The following PGCKA1 variants were observed in gnomAD, a reference collection of about 807,000 sequenced individuals.
The protein encoded by PGCKA1 is PDCD10 and GCKIII kinases-associated protein 1.
the PGCKA1 span, among the ~76,000 whole-genome samples, chr4:37,509,522 G>A: frequency 6.6e-6 from 1 of 151,430 alleles, no homozygotes; most frequent in African/African-American, 2.4e-5. Context: ...CAGATGATGG[G>A]TGGCCAGGCA....
the PGCKA1 span, among the ~76,000 whole-genome samples, chr4:37,562,445 T>TA: frequency 6.6e-6 from 1 of 152,218 alleles, no homozygotes; most frequent in Non-Finnish European, 1.5e-5. Flanking sequence ...ATTCATGGCC[T>TA]AAAAAGATCG....
chr4:37,491,458 T>C, the PGCKA1 span, among the ~76,000 whole-genome samples: 1 of 152,258 alleles, frequency 6.6e-6, no homozygotes, highest in Non-Finnish European at 1.5e-5. Context: ...AGTTAGTTTT[T>C]TTACTTGTTT....
the PGCKA1 span, chr4:37,453,968 G>T: frequency 6.4e-6 from 1 of 156,384 alleles, no homozygotes; most frequent in Non-Finnish European, 1.4e-5. Context: ...CTCCCGGCGC[G>T]GCTGCCCGAG....
chr4:37,459,736 A>G, the PGCKA1 span, among the ~76,000 whole-genome samples: 1 of 151,904 alleles, frequency 6.6e-6, no homozygotes, highest in Non-Finnish European at 1.5e-5. Flanking sequence ...GCCCTGCACT[A>G]AAGGGAGCTT....
At chr4:37,535,202 C>T in the PGCKA1 span, among the ~76,000 whole-genome samples, 1 of 152,140 alleles carries the variant, frequency 6.6e-6, no homozygotes, top group Non-Finnish European at 1.5e-5. Context: ...TAAAAACTCC[C>T]AAAGTGTGAC....
the PGCKA1 span, among the ~76,000 whole-genome samples, chr4:37,461,843 A>G: frequency 6.6e-6 from 1 of 151,962 alleles, no homozygotes; most frequent in Non-Finnish European, 1.5e-5. Context: ...AGATGGAGGA[A>G]ATAGAGGAGA....
At chr4:37,534,275 G>C in the PGCKA1 span, among the ~76,000 whole-genome samples, 3 of 152,174 alleles carry the variant, frequency 2.0e-5, no homozygotes, top group Non-Finnish European at 4.4e-5. Flanking sequence ...AGGAATGTGA[G>C]CCACAAGAAC....
chr4:37,527,795 G>A, the PGCKA1 span, among the ~76,000 whole-genome samples: 75,172 of 150,454 alleles, frequency 0.5, 19,559 homozygotes, highest in African/African-American at 0.64. Flanking sequence ...GCACCACTGC[G>A]CTCCAGCCTG....
chr4:37,462,283 A>G, the PGCKA1 span, among the ~76,000 whole-genome samples: 24 of 152,302 alleles, frequency 1.6e-4, no homozygotes, highest in African/African-American at 5.5e-4. Context: ...TATGATGATC[A>G]TTTCATAGTT....
the PGCKA1 span, among the ~76,000 whole-genome samples, chr4:37,509,351 C>A: frequency 7.1e-6 from 1 of 141,794 alleles, no homozygotes; most frequent in Non-Finnish European, 1.5e-5. Context: ...ACGCTGCTCA[C>A]CTCCCACATG....
At chr4:37,562,349 A>G in the PGCKA1 span, among the ~76,000 whole-genome samples, 1 of 152,362 alleles carries the variant, frequency 6.6e-6, no homozygotes, top group South Asian at 2.1e-4. Flanking sequence ...TATTTTAATC[A>G]TCTTCATTAT....
chr4:37,581,560 G>A, the PGCKA1 span, among the ~76,000 whole-genome samples: 1 of 152,060 alleles, frequency 6.6e-6, no homozygotes, highest in African/African-American at 2.4e-5. The surrounding 1 kb of genome is among the most constrained non-coding windows in gnomAD (Gnocchi z 4.4). Flanking sequence ...CTGGAATGGG[G>A]GCCTCATGAC....
chr4:37,460,473 A>G, the PGCKA1 span: 2 of 421,914 alleles, frequency 4.7e-6, no homozygotes, highest in Middle Eastern at 4.9e-4. Context: ...AAGTGTTCCT[A>G]TTTCTCCACA....
At chr4:37,469,515 C>T in the PGCKA1 span, among the ~76,000 whole-genome samples, 1 of 152,132 alleles carries the variant, frequency 6.6e-6, no homozygotes, top group Non-Finnish European at 1.5e-5. Flanking sequence ...AACCACACCC[C>T]AGTGGATCTT....
At chr4:37,563,659 A>G in the PGCKA1 span, among the ~76,000 whole-genome samples, 3 of 152,122 alleles carry the variant, frequency 2.0e-5, no homozygotes, top group Admixed American at 6.5e-5. Flanking sequence ...ATTACCCTGA[A>G]CTAGTTTATT....
the PGCKA1 span, among the ~76,000 whole-genome samples, chr4:37,490,144 G>A: frequency 1.3e-4 from 20 of 152,158 alleles, no homozygotes; most frequent in African/African-American, 4.1e-4. Flanking sequence ...TTTCAGCACT[G>A]TATACTCAGT....
chr4:37,506,167 C>A, the PGCKA1 span, among the ~76,000 whole-genome samples: 1 of 152,046 alleles, frequency 6.6e-6, no homozygotes, highest in South Asian at 2.1e-4. Flanking sequence ...TTATTTGGGT[C>A]TTCTCCCTAC....
At chr4:37,568,854 TCG>T in the PGCKA1 span, among the ~76,000 whole-genome samples, 1 of 152,156 alleles carries the variant, frequency 6.6e-6, no homozygotes, top group Non-Finnish European at 1.5e-5. Flanking sequence ...ATTCACAAAC[TCG>T]TTTTGCAGAT....
chr4:37,504,977 T>G, the PGCKA1 span, among the ~76,000 whole-genome samples: 1 of 152,208 alleles, frequency 6.6e-6, no homozygotes, highest in Non-Finnish European at 1.5e-5. Context: ...GTGGTGAAAG[T>G]GGGCATCCTT....
Sources: allele counts gnomAD v4.1 joint callset (sites outside exome capture counted in the v4.1 genomes callset), GRCh38; gene constraint gnomAD v4.1.1; non-coding constraint Gnocchi (gnomAD v3.1); transcripts MANE v1.5; gene names NCBI Gene and HGNC (gene_info 2026-07-23, HGNC 2026-07-21).